The following OSBPL9 variants were observed in gnomAD, a reference collection of about 807,000 sequenced individuals.
The protein encoded by OSBPL9 is oxysterol-binding protein-related protein 9.
Under a neutral mutation model 106.6 loss-of-function variants are expected in OSBPL9, and 40 were observed. The ratio of observed to expected loss-of-function variants is 0.38; its 90% CI spans 0.29 to 0.49. The LOEUF (loss-of-function observed/expected upper bound fraction) is 0.49. Ranked by LOEUF, OSBPL9 falls within the 20% of genes least tolerant of loss-of-function variation. The pLI is 0.97. For synonymous variants in OSBPL9, 269 were observed against 295.4 expected (o/e 0.91, Z 0.92); for missense variants, 609 against 887.2 (o/e 0.69, Z 3.98).
intron 1 of OSBPL9, among the ~76,000 whole-genome samples, chr1:51,648,825 A>G (rs1411599522): frequency 6.6e-6 from 1 of 152,226 alleles, no homozygotes; most frequent in African/African-American, 2.4e-5. Flanking sequence ...GGTTTACTGT[A>G]TATAAAGTGC....
At chr1:51,662,126 C>G (rs1010612670) in intron 2 of OSBPL9, among the ~76,000 whole-genome samples, 3 of 151,980 alleles carry the variant, frequency 2.0e-5, no homozygotes, top group African/African-American at 7.3e-5. Flanking sequence ...AACATATCCT[C>G]CAAGGAATGG....
chr1:51,585,981 T>C (rs1199155123), intron 1 of OSBPL9, among the ~76,000 whole-genome samples: 1 of 151,778 alleles, frequency 6.6e-6, no homozygotes, highest in Non-Finnish European at 1.5e-5. Context: ...AAGGCCAGCC[T>C]GGCCAACGTA....
chr1:51,541,769 C>T, the OSBPL9 span, among the ~76,000 whole-genome samples: 1 of 152,182 alleles, frequency 6.6e-6, no homozygotes, highest in African/African-American at 2.4e-5. Flanking sequence ...CACTTAAGGG[C>T]TGGGCTTCCC....
intron 2 of OSBPL9, chr1:51,598,228 C>T (rs758778624): frequency 3.3e-5 from 5 of 152,256 alleles, no homozygotes; most frequent in Non-Finnish European, 7.3e-5. Context: ...TGCTTAATCA[C>T]TCTTTCATTT....
intron 3 of OSBPL9, among the ~76,000 whole-genome samples, chr1:51,676,312 C>T (rs183781444): frequency 2.0e-5 from 3 of 151,822 alleles, no homozygotes; most frequent in East Asian, 3.9e-4. Context: ...GTGCTGTAGT[C>T]GCAGCTACTC....
chr1:51,686,668 A>G (rs1653870699), intron 3 of OSBPL9, among the ~76,000 whole-genome samples: 1 of 152,182 alleles, frequency 6.6e-6, no homozygotes, highest in Non-Finnish European at 1.5e-5. Flanking sequence ...TCATGGCATG[A>G]GGCATAAGAT....
intron 2 of OSBPL9, among the ~76,000 whole-genome samples, chr1:51,599,295 G>A (rs1157510680): frequency 6.6e-6 from 1 of 152,148 alleles, no homozygotes; most frequent in Non-Finnish European, 1.5e-5. Flanking sequence ...GTGAGAAATT[G>A]TATTATGTTT....
chr1:51,669,326 G>A, intron 2 of OSBPL9, 108 bp from the exon 3 acceptor site: 1 of 873,360 alleles, frequency 1.1e-6, no homozygotes, highest in Non-Finnish European at 1.8e-6. Context: ...TCTGTGTCTA[G>A]CCTGCTTCCA....
At chr1:51,762,031 G>T in intron 11 of OSBPL9, 60 bp downstream of exon 11, 1 of 1,260,220 alleles carries the variant, frequency 7.9e-7, no homozygotes, top group Non-Finnish European at 1.2e-6. Flanking sequence ...AGGTTTGTTT[G>T]TGACCTCTGA....
intron 3 of OSBPL9, among the ~76,000 whole-genome samples, chr1:51,695,071 G>A (rs574323804): frequency 2.6e-5 from 4 of 152,232 alleles, no homozygotes; most frequent in African/African-American, 9.6e-5. Flanking sequence ...TGAGATAACC[G>A]TTATACTTTA....
upstream of OSBPL9, among the ~76,000 whole-genome samples, chr1:51,576,634 C>T (rs951005575): frequency 1.3e-5 from 2 of 152,000 alleles, no homozygotes; most frequent in Non-Finnish European, 2.9e-5. Flanking sequence ...CTCAAGCAAT[C>T]CTCCCAACTC....
At chr1:51,596,959 TAGAG>T (rs1312904052) in intron 1 of OSBPL9, among the ~76,000 whole-genome samples, 2 of 151,886 alleles carry the variant, frequency 1.3e-5, no homozygotes, top group Non-Finnish European at 2.9e-5. Flanking sequence ...GGCAATGACT[TAGAG>T]AGAGATGGAG....
chr1:51,576,609 C>A (rs140962479), upstream of OSBPL9, among the ~76,000 whole-genome samples: 7 of 152,024 alleles, frequency 4.6e-5, no homozygotes, highest in Non-Finnish European at 7.4e-5. Context: ...CTCACTGCAG[C>A]CTCAATCTCC....
intron 4 of OSBPL9, among the ~76,000 whole-genome samples, chr1:51,731,725 C>T (rs973613994): frequency 3.4e-5 from 5 of 147,874 alleles, no homozygotes; most frequent in African/African-American, 5.1e-5. Context: ...TACAGTGAGC[C>T]GAGATCGTGC....
At chr1:51,742,518 T>C (rs1215695905) in intron 4 of OSBPL9, among the ~76,000 whole-genome samples, 7 of 151,688 alleles carry the variant, frequency 4.6e-5, no homozygotes, top group Non-Finnish European at 1.5e-5. Context: ...GGAGTTTTTA[T>C]TTTATTGCGG....
chr1:51,750,252 C>A, intron 8 of OSBPL9, 57 bp downstream of exon 8: 4 of 1,296,608 alleles, frequency 3.1e-6, no homozygotes, highest in South Asian at 1.3e-5. Context: ...ATTATAATGG[C>A]GTTTTTCTTT....
intron 1 of OSBPL9, among the ~76,000 whole-genome samples, chr1:51,626,518 T>C (rs1644776556): frequency 6.6e-6 from 1 of 152,100 alleles, no homozygotes; most frequent in African/African-American, 2.4e-5. Context: ...TTTATTCTTT[T>C]TTTTCCCCCT....
chr1:51,670,956 C>T (rs1449728153), intron 3 of OSBPL9, among the ~76,000 whole-genome samples: 2 of 152,172 alleles, frequency 1.3e-5, no homozygotes, highest in Non-Finnish European at 2.9e-5. Flanking sequence ...GAAGGAGACA[C>T]CTCCTTTGGA....
the OSBPL9 span, among the ~76,000 whole-genome samples, chr1:51,532,285 G>A: frequency 6.6e-6 from 1 of 152,154 alleles, no homozygotes; most frequent in African/African-American, 2.4e-5. Flanking sequence ...TTCTTAAGGT[G>A]AGCAATAATG....
Sources: gnomAD v4.1 joint callset for allele counts (sites outside exome capture counted in the v4.1 genomes callset) on GRCh38, gnomAD v4.1.1 for gene constraint, MANE v1.5 for transcripts, NCBI Gene and HGNC (gene_info 2026-07-23, HGNC 2026-07-21) for gene names.